Variants in TEAD1 observed in about 807,000 individuals in gnomAD.
TEAD1 encodes TEA domain transcription factor 1.
In TEAD1, 9 loss-of-function variants were observed where a neutral mutation model predicts 54.9. That is an observed-to-expected ratio of 0.16 (90% CI 0.10 to 0.29). The LOEUF is 0.29. TEAD1 is among the 10% of genes least tolerant of loss of function. TEAD1 has a pLI of 1.00. For synonymous variants in TEAD1, 200 were observed against 187.8 expected (o/e 1.07, Z -0.53); for missense variants, 387 against 535.9 (o/e 0.72, Z 2.74).
chr11:12,683,149 T>C (rs1381345573), intron 2 of TEAD1, among the ~76,000 whole-genome samples: 1 of 152,236 alleles, frequency 6.6e-6, no homozygotes, highest in Non-Finnish European at 1.5e-5. Flanking sequence ...TTTTCCTTTT[T>C]ATGTAGGCAT....
chr11:12,708,947 A>G (rs898091057), intron 2 of TEAD1, among the ~76,000 whole-genome samples: 7 of 152,244 alleles, frequency 4.6e-5, no homozygotes, highest in Non-Finnish European at 7.3e-5. Flanking sequence ...ATCAAATGCT[A>G]ATAGCGATCA....
chr11:12,881,618 CAG>C (rs1379613460), intron 7 of TEAD1, among the ~76,000 whole-genome samples: 2 of 152,236 alleles, frequency 1.3e-5, no homozygotes, highest in African/African-American at 4.8e-5. Flanking sequence ...TGCTTGACCT[CAG>C]AGGTTCAAAG....
intron 2 of TEAD1, among the ~76,000 whole-genome samples, chr11:12,724,281 C>T (rs975924830): frequency 6.6e-6 from 1 of 152,186 alleles, no homozygotes; most frequent in African/African-American, 2.4e-5. Context: ...CCGATATTGG[C>T]AGAATAACTG....
intron 3 of TEAD1, among the ~76,000 whole-genome samples, chr11:12,855,671 C>T (rs576275649): frequency 3.2e-4 from 49 of 151,740 alleles, no homozygotes; most frequent in African/African-American, 1.1e-3. Flanking sequence ...GGGCTAAGCA[C>T]AGTAGTTCAC....
chr11:12,890,572 G>A (rs1948178896), intron 9 of TEAD1, among the ~76,000 whole-genome samples: 1 of 152,164 alleles, frequency 6.6e-6, no homozygotes, highest in Non-Finnish European at 1.5e-5. Context: ...CAGGATCGCT[G>A]CCATGCTTAC....
chr11:12,891,230 A>G (rs1280462801), intron 9 of TEAD1, among the ~76,000 whole-genome samples: 3 of 152,182 alleles, frequency 2.0e-5, no homozygotes, highest in Non-Finnish European at 4.4e-5. Context: ...GAGGCTTTGT[A>G]GTGATTTTAG....
chr11:12,844,924 C>T (rs1372758934), intron 3 of TEAD1, among the ~76,000 whole-genome samples: 1 of 147,170 alleles, frequency 6.8e-6, no homozygotes, highest in East Asian at 2.0e-4. Flanking sequence ...TTATGGCTTT[C>T]TCCTGGTTCC....
intron 3 of TEAD1, among the ~76,000 whole-genome samples, chr11:12,771,975 CTG>C (rs1053781233): frequency 6.6e-6 from 1 of 152,162 alleles, no homozygotes; most frequent in Non-Finnish European, 1.5e-5. Context: ...GCCTGGGAAA[CTG>C]TATTTCTAAA....
intron 10 of TEAD1, among the ~76,000 whole-genome samples, chr11:12,902,909 T>A (rs545846367): frequency 6.6e-6 from 1 of 152,172 alleles, no homozygotes; most frequent in Non-Finnish European, 1.5e-5. Flanking sequence ...CATGAGACAA[T>A]AGCTCCACTA....
chr11:12,701,329 T>A (rs927993027), intron 2 of TEAD1, among the ~76,000 whole-genome samples: 4 of 152,186 alleles, frequency 2.6e-5, no homozygotes, highest in African/African-American at 7.2e-5. Context: ...CTGGAGTGTC[T>A]TAAATTTTAG....
intron 4 of TEAD1, among the ~76,000 whole-genome samples, chr11:12,862,939 A>G (rs1327735697): frequency 6.6e-6 from 1 of 152,204 alleles, no homozygotes; most frequent in Non-Finnish European, 1.5e-5. Flanking sequence ...TTTCAGATGT[A>G]AAACAGCCCA....
rs150663285 is a variant in TEAD1, at chr11:12,887,097, GTT to G, written c.699+3985_699+3986del. The stretch of plus-strand genomic sequence containing the variant: ...AGTTTTTTTGTTTTTTTTTTTGTTT[GTT>G]TTTTTTTTTTTTGGAGACACAGAGT... On this transcript the variant is annotated intron_variant, in intron 9 of 12. Transcript: ENST00000527636. Among the ~76,000 whole-genome samples the G allele has an allele frequency of 3.5e-5, 4 of 112,814 alleles. 1 individual carries two copies. Among genetic ancestry groups the G allele is most frequent in the Non-Finnish European group, 5.5e-5 (3 of 54,142 alleles). 74.0% of individuals were successfully genotyped at this position (112,814 alleles called of 152,430 possible).
chr11:12,814,867 GTGTC>G (rs1946383854), intron 3 of TEAD1, among the ~76,000 whole-genome samples: 1 of 151,594 alleles, frequency 6.6e-6, no homozygotes, highest in Non-Finnish European at 1.5e-5. Context: ...CTGTGTGTGT[GTGTC>G]TGTGTGTGTG....
Position 12,802,197 on chromosome 11 carries a change from C to T in TEAD1, c.202+37763C>T, listed in dbSNP as rs183709990. Among the ~76,000 whole-genome samples the T allele has an allele frequency of 7.9e-5, 12 of 152,270 alleles. No homozygotes were observed. The East Asian group carries it at 2.3e-3, about 29-fold the overall frequency. ...ACCTACTTAGCCTCTAAGATGAGAC[C>T]ACATCTGAACCAGCCAAGTCAGCCT... is the stretch of plus-strand genomic sequence containing the variant. On this transcript the variant is annotated intron_variant, in intron 3 of 12. Transcript: ENST00000527636.
chr11:12,784,016 A>T (rs1210129639), intron 3 of TEAD1, among the ~76,000 whole-genome samples: 1 of 152,156 alleles, frequency 6.6e-6, no homozygotes. Flanking sequence ...TATCTCCCAT[A>T]AGGAGGCTGA....
At chr11:12,912,064 A>G (rs1948627102) in intron 10 of TEAD1, among the ~76,000 whole-genome samples, 1 of 151,868 alleles carries the variant, frequency 6.6e-6, no homozygotes, top group Non-Finnish European at 1.5e-5. Flanking sequence ...TCACATTACC[A>G]CCTGAGAGTT....
chr11:12,828,114 TG>T (rs1409582564), intron 3 of TEAD1: 6 of 152,196 alleles, frequency 3.9e-5, no homozygotes, highest in Admixed American at 3.9e-4. Context: ...GCATCCTGAT[TG>T]TCAATAAAGA....
intron 3 of TEAD1, among the ~76,000 whole-genome samples, chr11:12,858,346 G>A (rs185208863): frequency 1.7e-3 from 257 of 152,232 alleles, no homozygotes; most frequent in Admixed American, 6.2e-3. Context: ...TAATGTTTTT[G>A]ATTTAAAGGA....
rs1945740975 is a variant in TEAD1, at chr11:12,788,942, G to A, written c.202+24508G>A. Among the ~76,000 whole-genome samples the A allele has an allele frequency of 3.3e-5, 5 of 152,178 alleles. No homozygotes were observed. In the South Asian group the frequency reaches 8.3e-4, roughly 25 times the overall value. Reference sequence around the variant, plus strand: ...TTAAGAGATGGGGTTTAGAGATGGGGCCTGGCTGTGTTGCCCACGCTGGTC... The same window carrying A: ...TTAAGAGATGGGGTTTAGAGATGGGACCTGGCTGTGTTGCCCACGCTGGTC... On this transcript the variant is annotated intron_variant, in intron 3 of 12. Transcript: ENST00000527636.
Sources: allele counts gnomAD v4.1 joint callset (sites outside exome capture counted in the v4.1 genomes callset), GRCh38; gene constraint gnomAD v4.1.1; transcripts MANE v1.5; gene names NCBI Gene and HGNC (gene_info 2026-07-23, HGNC 2026-07-21).